SLC22A3: variants seen among roughly 807,000 people sequenced by gnomAD.
The protein encoded by SLC22A3 is solute carrier family 22 member 3.
In SLC22A3, 51 loss-of-function variants were observed where a neutral mutation model predicts 59.1. The ratio of observed to expected loss-of-function variants is 0.86; its 90% CI spans 0.69 to 1.09. The LOEUF is 1.09. Ranked by LOEUF, SLC22A3 falls within the 50% of genes least tolerant of loss-of-function variation. The pLI is 0.00. For synonymous variants in SLC22A3, 325 were observed against 292.0 expected (o/e 1.11, Z -1.15); for missense variants, 711 against 726.3 (o/e 0.98, Z 0.24).
rs191200037 is a variant in SLC22A3, at chr6:160,415,111, C to G, written c.975+4265C>G. ...CAAACCGAACCTACCCATCTTTAAT[C>G]TTTTTAATTGTACAGCGTAAGCAGA... On this transcript the variant is annotated intron_variant, in intron 5 of 10. Coordinates refer to ENST00000275300, the MANE Select transcript of SLC22A3 (RefSeq NM_021977.4). The surrounding 1 kb of genome is among the most constrained non-coding windows in gnomAD (Gnocchi z 4.1). Among the ~76,000 whole-genome samples the G allele has an allele frequency of 1.3e-5, 2 of 152,294 alleles. No homozygotes were observed. Among genetic ancestry groups the G allele is most frequent in the East Asian group, 3.9e-4 (2 of 5,180 alleles).
intron 1 of SLC22A3, among the ~76,000 whole-genome samples, chr6:160,376,180 A>G (rs948090771): frequency 6.6e-6 from 1 of 152,264 alleles, no homozygotes; most frequent in Non-Finnish European, 1.5e-5. Context: ...GAACGAGATC[A>G]TGTCCTTTGC....
At chr6:160,349,953 C>T (rs183364175) in intron 1 of SLC22A3, among the ~76,000 whole-genome samples, 2 of 152,220 alleles carry the variant, frequency 1.3e-5, no homozygotes, top group Admixed American at 1.3e-4. Context: ...GAGGTAGGAG[C>T]GCCCTTTCTG....
At chr6:160,374,339 A>G (rs929491459) in intron 1 of SLC22A3, among the ~76,000 whole-genome samples, 6 of 152,016 alleles carry the variant, frequency 3.9e-5, no homozygotes. Flanking sequence ...GGCTGCACCC[A>G]CTGTCTAACT....
intron 1 of SLC22A3, 57 bp downstream of exon 1, chr6:160,348,905 G>A: frequency 6.5e-7 from 1 of 1,535,502 alleles, no homozygotes; most frequent in Non-Finnish European, 8.7e-7. Context: ...TGGCTCCCAG[G>A]CGGACAAGCC....
At chr6:160,439,660 A>G (rs1401616294) in intron 7 of SLC22A3, among the ~76,000 whole-genome samples, 1 of 152,244 alleles carries the variant, frequency 6.6e-6, no homozygotes, top group African/African-American at 2.4e-5. Flanking sequence ...TATTTTATAG[A>G]TATAATTTCC....
intron 5 of SLC22A3, among the ~76,000 whole-genome samples, chr6:160,430,933 T>TG (rs967502509): frequency 1.3e-5 from 2 of 151,278 alleles, no homozygotes; most frequent in Non-Finnish European, 2.9e-5. Flanking sequence ...GAGCCCAGAG[T>TG]GGGGGGAGGG....
chr6:160,407,339 G>C, intron 3 of SLC22A3, 144 bp downstream of exon 3: 3 of 845,562 alleles, frequency 3.5e-6, no homozygotes, highest in Non-Finnish European at 5.4e-6. Context: ...TCTGCAGATG[G>C]GAGAGCTCAG....
At chr6:160,400,553 C>T (rs1295103968) in intron 2 of SLC22A3, among the ~76,000 whole-genome samples, 1 of 152,078 alleles carries the variant, frequency 6.6e-6, no homozygotes, top group Non-Finnish European at 1.5e-5. Context: ...TCCCCCAACA[C>T]CTCACCACCA....
intron 1 of SLC22A3, among the ~76,000 whole-genome samples, chr6:160,378,607 C>T (rs1277446814): frequency 6.6e-6 from 1 of 152,176 alleles, no homozygotes; most frequent in Non-Finnish European, 1.5e-5. Context: ...TATATAGAGG[C>T]TCCTCGACTT....
intron 1 of SLC22A3, among the ~76,000 whole-genome samples, chr6:160,376,279 G>C (rs1311509180): frequency 6.6e-6 from 1 of 152,038 alleles, no homozygotes; most frequent in Non-Finnish European, 1.5e-5. Flanking sequence ...ACTCATAAGT[G>C]GGAGTTGAAC....
intron 1 of SLC22A3, among the ~76,000 whole-genome samples, chr6:160,356,391 A>G (rs1784842113): frequency 2.0e-5 from 3 of 152,204 alleles, no homozygotes; most frequent in African/African-American, 7.2e-5. Flanking sequence ...CATGAAAGGG[A>G]CAGGAAGGAA....
At chr6:160,417,661 G>C (rs1257201397) in intron 5 of SLC22A3, among the ~76,000 whole-genome samples, 1 of 152,216 alleles carries the variant, frequency 6.6e-6, no homozygotes, top group African/African-American at 2.4e-5. Context: ...CAATGATATT[G>C]CTTTGGCCTC....
intron 9 of SLC22A3, 42 bp from the exon 10 acceptor site, chr6:160,447,677 T>A: frequency 6.4e-7 from 1 of 1,557,780 alleles, no homozygotes. Context: ...AGGGCCCAGC[T>A]GTGTCTTCCT....
intron 2 of SLC22A3, 140 bp downstream of exon 2, chr6:160,398,222 C>G: frequency 3.0e-6 from 2 of 660,430 alleles, no homozygotes; most frequent in South Asian, 3.0e-5. Flanking sequence ...TTCATGACAT[C>G]CACACTTGGT....
chr6:160,434,756 G>T (rs962152521), intron 5 of SLC22A3, among the ~76,000 whole-genome samples: 1 of 152,138 alleles, frequency 6.6e-6, no homozygotes, highest in Admixed American at 6.5e-5. Flanking sequence ...CCTCACTGGG[G>T]TCTTCAAATT....
Position 160,408,838 on chromosome 6 carries a change from T to C in SLC22A3, c.774T>C (p.Pro258=), listed in dbSNP as rs901773942. The change falls in exon 4 of 11, where the codon CCT becomes CCC. Residue 258 remains proline, a synonymous_variant. Coordinates refer to ENST00000275300, the MANE Select transcript of SLC22A3 (RefSeq NM_021977.4). ...MFFTLGIIIL[P]GIAYFIPNWQ... ...TTACCCTTGGAATCATAATTCTCCC[T>C]GGAATTGCCTACTTCATCCCCAACT... 1.9e-6 allele frequency: 3 copies of C among 1,613,766 alleles called. No individual in the cohort carries two copies. Among genetic ancestry groups the C allele is most frequent in the Admixed American group, 3.3e-5 (2 of 59,958 alleles).
At chr6:160,443,781 C>A in intron 9 of SLC22A3, 39 bp downstream of exon 9, 1 of 1,267,236 alleles carries the variant, frequency 7.9e-7, no homozygotes, top group South Asian at 1.3e-5. Context: ...CCTTCATCTA[C>A]ATTCTTTGTA....
In SLC22A3 at chr6:160,452,076, C is replaced by G. The variant is rs1562508887; in HGVS notation, c.*1020C>G. ...CCATGCTTAACAGGATCAGCAGGAG[C>G]TTTATAAATGACTTTACAGAGACTA... On this transcript the variant is annotated 3_prime_UTR_variant, in exon 11 of 11. Coordinates refer to ENST00000275300, the MANE Select transcript of SLC22A3 (RefSeq NM_021977.4). 6.6e-6 allele frequency: 1 copy of G among 152,262 alleles called. No homozygotes were observed. Among genetic ancestry groups the G allele is most frequent in the East Asian group, 1.9e-4 (1 of 5,182 alleles). 9.4% of individuals were successfully genotyped at this position (152,262 alleles called of 1,614,324 possible).
intron 1 of SLC22A3, 34 bp downstream of exon 1, chr6:160,348,882 G>C: frequency 1.9e-6 from 3 of 1,547,370 alleles, no homozygotes; most frequent in Non-Finnish European, 2.6e-6. Flanking sequence ...AAGCCGGCGG[G>C]AGAGGACGAT....
Sources: gnomAD v4.1 joint callset for allele counts (sites outside exome capture counted in the v4.1 genomes callset) on GRCh38, gnomAD v4.1.1 for gene constraint, Gnocchi (gnomAD v3.1) non-coding constraint, MANE v1.5 for transcripts, NCBI Gene and HGNC (gene_info 2026-07-23, HGNC 2026-07-21) for gene names.